DOCK5: variants seen among roughly 807,000 people sequenced by gnomAD.
DOCK5 encodes the protein dedicator of cytokinesis 5.
In DOCK5, 142 loss-of-function variants were observed where a neutral mutation model predicts 251.8. The ratio of observed to expected loss-of-function variants is 0.56; its 90% CI spans 0.49 to 0.65. DOCK5 has a LOEUF of 0.65. Among genes scored for constraint, DOCK5 ranks in the 30% least tolerant of loss-of-function variants. The pLI is 0.00. For missense variants in DOCK5, 2,111 were observed against 2,312.3 expected (o/e 0.91, Z 1.79); for synonymous variants, 842 against 835.5 (o/e 1.01, Z -0.13).
intron 2 of DOCK5, among the ~76,000 whole-genome samples, chr8:25,253,786 G>C (rs369693584): frequency 1.5e-4 from 23 of 152,300 alleles, no homozygotes; most frequent in African/African-American, 5.5e-4. Flanking sequence ...CATGTTCATG[G>C]GTAGGGAGAC....
At chr8:25,300,682 A>T in intron 9 of DOCK5, 25 bp downstream of exon 9, 1 of 1,593,708 alleles carries the variant, frequency 6.3e-7, no homozygotes, top group Non-Finnish European at 8.6e-7. Flanking sequence ...CTGTTTAATC[A>T]TTCTCTTTGT....
At chr8:25,355,476 G>A (rs569506077) in intron 27 of DOCK5, among the ~76,000 whole-genome samples, 16 of 152,188 alleles carry the variant, frequency 1.1e-4, no homozygotes, top group African/African-American at 3.6e-4. Flanking sequence ...TTGAGACAGG[G>A]TGTCACTCTG....
chr8:25,403,531 T>C, intron 47 of DOCK5, 27 bp from the exon 48 acceptor site: 2 of 1,611,508 alleles, frequency 1.2e-6, no homozygotes. Flanking sequence ...CCAGGTCCGC[T>C]AACCATGTGG....
In DOCK5 at chr8:25,184,837, G is replaced by GGGCGGC. The variant is rs538644542; in HGVS notation, c.-65_-60dup. The GGGCGGC allele has an allele frequency of 5.3e-5, 66 of 1,246,644 alleles. No individual in the cohort carries two copies. The highest frequency in any genetic ancestry group is 6.1e-5 in the Non-Finnish European group (60 of 980,492). 77.2% of individuals were successfully genotyped at this position (1,246,644 alleles called of 1,614,324 possible). A position where few individuals can be genotyped will look rare whatever the true frequency, so the allele number is the denominator to read the frequency against. ...AGCGTCTGGGGCACGCAGGAGCGCG[G>GGGCGGC]GGCGGCGGCGGCCGGAGCCCGAGGA... On this transcript the variant is annotated 5_prime_UTR_variant, in exon 1 of 52. Transcript: ENST00000276440.
chr8:25,251,772 T>TA (rs1803275969), intron 2 of DOCK5, among the ~76,000 whole-genome samples: 3 of 152,164 alleles, frequency 2.0e-5, no homozygotes, highest in African/African-American at 7.2e-5. Flanking sequence ...GCAGATCACA[T>TA]GAGGCCAGGA....
intron 2 of DOCK5, among the ~76,000 whole-genome samples, chr8:25,253,580 T>C (rs767996170): frequency 6.6e-6 from 1 of 152,130 alleles, no homozygotes; most frequent in South Asian, 2.1e-4. Flanking sequence ...TAAGGATTAG[T>C]GTAAGGAGAA....
chr8:25,368,424 A>C (rs1800816426), intron 32 of DOCK5, 147 bp from the exon 33 acceptor site: 4 of 1,090,012 alleles, frequency 3.7e-6, no homozygotes, highest in Non-Finnish European at 5.2e-6. Flanking sequence ...TTACTCTGGC[A>C]TCCACATGCT....
At chr8:25,214,714 A>G (rs1367328100) in intron 1 of DOCK5, among the ~76,000 whole-genome samples, 1 of 152,140 alleles carries the variant, frequency 6.6e-6, no homozygotes, top group African/African-American at 2.4e-5. Context: ...TCGATTCAGC[A>G]GTCATCGGTT....
At chr8:25,371,781 T>C (rs1406839849) in intron 34 of DOCK5, among the ~76,000 whole-genome samples, 2 of 152,232 alleles carry the variant, frequency 1.3e-5, no homozygotes, top group Admixed American at 6.5e-5. Flanking sequence ...TCTTCCTAGA[T>C]CACTAACTTA....
intron 1 of DOCK5, among the ~76,000 whole-genome samples, chr8:25,194,155 G>A (rs1428418098): frequency 2.0e-5 from 3 of 151,442 alleles, no homozygotes; most frequent in Non-Finnish European, 4.4e-5. Flanking sequence ...TTAGCCAGGT[G>A]TGGCGGTGCT....
chr8:25,317,186 G>C, intron 14 of DOCK5, 55 bp downstream of exon 14: 1 of 1,590,998 alleles, frequency 6.3e-7, no homozygotes, highest in Non-Finnish European at 8.6e-7. Context: ...TTACAATCAC[G>C]ATAGAATCTT....
chr8:25,343,905 A>G (rs550314809), intron 25 of DOCK5, among the ~76,000 whole-genome samples: 2 of 152,312 alleles, frequency 1.3e-5, no homozygotes, highest in Middle Eastern at 3.4e-3. Context: ...TCCCAGGTTC[A>G]AGCAATTCTC....
Position 25,184,783 on chromosome 8 carries a change from T to C in DOCK5, c.-126T>C. 1 of 916,048 alleles carries C rather than the reference T, an allele frequency of 1.1e-6. No individual in the cohort carries two copies. Among genetic ancestry groups the C allele is most frequent in the Non-Finnish European group, 1.4e-6 (1 of 705,752 alleles). The allele number at this position is 916,048 out of a possible 1,614,324, so 56.7% of individuals were successfully genotyped here. On this transcript the variant is annotated 5_prime_UTR_variant, in exon 1 of 52. Transcript: ENST00000276440. ...CGCGGCGAGGAGGCGGCCCGCGGAGTCCAGCGAAGTTTGGCGGAACATGGC... is the reference window on the plus strand; with the variant it reads ...CGCGGCGAGGAGGCGGCCCGCGGAGCCCAGCGAAGTTTGGCGGAACATGGC...
chr8:25,359,403 A>G (rs1278960858), intron 28 of DOCK5, among the ~76,000 whole-genome samples: 1 of 152,038 alleles, frequency 6.6e-6, no homozygotes, highest in Admixed American at 6.6e-5. Flanking sequence ...AGGATTTTAG[A>G]AGGCAGGGGT....
chr8:25,306,223 A>G (rs1389744870), intron 11 of DOCK5, among the ~76,000 whole-genome samples: 1 of 152,158 alleles, frequency 6.6e-6, no homozygotes, highest in Admixed American at 6.5e-5. Flanking sequence ...GTATGCTACC[A>G]CCTATATATT....
intron 22 of DOCK5, among the ~76,000 whole-genome samples, chr8:25,337,254 A>G (rs984508345): frequency 6.6e-6 from 1 of 152,164 alleles, no homozygotes; most frequent in Non-Finnish European, 1.5e-5. Context: ...GCATGCACAC[A>G]CACACCATCT....
chr8:25,370,021 A>G (rs1020687862), intron 34 of DOCK5, among the ~76,000 whole-genome samples: 5 of 152,236 alleles, frequency 3.3e-5, no homozygotes, highest in Non-Finnish European at 5.9e-5. Flanking sequence ...CTGTGTATGT[A>G]AAAAATACCT....
intron 1 of DOCK5, among the ~76,000 whole-genome samples, chr8:25,192,065 G>T (rs1278469262): frequency 6.6e-6 from 1 of 152,004 alleles, no homozygotes; most frequent in Non-Finnish European, 1.5e-5. Flanking sequence ...ATGGTTTCCA[G>T]CTTCATCCAT....
At chr8:25,305,499 A>G (rs1009977267) in intron 11 of DOCK5, among the ~76,000 whole-genome samples, 3 of 152,174 alleles carry the variant, frequency 2.0e-5, no homozygotes, top group African/African-American at 4.8e-5. Context: ...TCAGCCAAAA[A>G]AAGAAAAATT....
Sources: allele counts gnomAD v4.1 joint callset (sites outside exome capture counted in the v4.1 genomes callset), GRCh38; gene constraint gnomAD v4.1.1; transcripts MANE v1.5; gene names NCBI Gene and HGNC (gene_info 2026-07-23, HGNC 2026-07-21).